ELOVL4: variants seen among roughly 807,000 people sequenced by gnomAD.
ELOVL4 encodes the protein very long chain fatty acid elongase 4.
ELOVL4 carries 18 observed loss-of-function variants against 42.1 expected under a neutral mutation model. The observed-to-expected ratio is 0.43, with a 90% CI of 0.30 to 0.63. The LOEUF is 0.63. ELOVL4 is among the 30% of genes least tolerant of loss of function. The pLI, the probability that ELOVL4 is intolerant of heterozygous loss-of-function variation, is 0.15. For synonymous variants in ELOVL4, 117 were observed against 127.0 expected, an observed-to-expected ratio of 0.92 and a Z score of 0.53; for missense variants, 299 against 376.2, an observed-to-expected ratio of 0.79 and a Z score of 1.70.
At chr6:79,944,987 CAAAAAAAAAAAAA>C (rs200726708) in intron 1 of ELOVL4, among the ~76,000 whole-genome samples, 6 of 92,998 alleles carry the variant, frequency 6.5e-5, no homozygotes, top group Non-Finnish European at 1.1e-4. Context: ...TGAATGAGTC[CAAAAAAAAAAAAA>C]AAAAAAAAAA....
At chr6:79,939,985 G>A (rs181709274) in intron 1 of ELOVL4, among the ~76,000 whole-genome samples, 2 of 152,212 alleles carry the variant, frequency 1.3e-5, no homozygotes, top group East Asian at 1.9e-4. Flanking sequence ...ACCACGTTGC[G>A]TTTATCCATT....
At chr6:79,922,593 A>G (rs948973605) in intron 3 of ELOVL4, among the ~76,000 whole-genome samples, 1 of 152,162 alleles carries the variant, frequency 6.6e-6, no homozygotes, top group African/African-American at 2.4e-5. Flanking sequence ...TATGTCAAGT[A>G]TTTTCTATGA....
Position 79,916,466 on chromosome 6 carries a change from C to G in ELOVL4, c.*142G>C, listed in dbSNP as rs1512118. 0.15 allele frequency: 127,858 copies of G among 876,888 alleles called. 11,613 individuals are homozygous for G. The highest frequency in any genetic ancestry group is 0.35 in the South Asian group (23,673 of 67,276). 54.3% of individuals were successfully genotyped at this position (876,888 alleles called of 1,614,324 possible). On this transcript the variant is annotated 3_prime_UTR_variant, in exon 6 of 6. Coordinates refer to ENST00000369816, the MANE Select transcript of ELOVL4 (RefSeq NM_022726.4). ...CTGGGTATGGTATTAACACTTTACTCAGTCTAAGAGTTACTAGGACATAGA... is the reference window on the plus strand; with the variant it reads ...CTGGGTATGGTATTAACACTTTACTGAGTCTAAGAGTTACTAGGACATAGA...
rs74777057 is a variant in ELOVL4 at position 79,927,110 on chromosome 6, T to C, written c.101-729A>G. Among the ~76,000 whole-genome samples, 12 of 152,306 alleles carry C rather than the reference T, an allele frequency of 7.9e-5. No individual in the cohort carries two copies. In the East Asian group the frequency reaches 1.9e-3, roughly 24 times the overall value. On this transcript the variant is annotated intron_variant, in intron 1 of 5. Transcript: ENST00000369816. The stretch of plus-strand genomic sequence containing the variant: ...AACACATTATTTTACTTAAAATGAA[T>C]TGATTGTCCAGCATATTCAAATACA...
intron 3 of ELOVL4, among the ~76,000 whole-genome samples, chr6:79,922,812 T>C (rs4706819): frequency 0.16 from 24,395 of 152,076 alleles, 2,240 homozygotes; most frequent in South Asian, 0.36. Context: ...AACAAAATTA[T>C]AATTTTAAAG....
At chr6:79,931,724 C>T (rs977502382) in intron 1 of ELOVL4, among the ~76,000 whole-genome samples, 1 of 152,114 alleles carries the variant, frequency 6.6e-6, no homozygotes, top group Non-Finnish European at 1.5e-5. Context: ...AGAAAGAGGC[C>T]TCAGCAAATA....
intron 1 of ELOVL4, among the ~76,000 whole-genome samples, chr6:79,939,321 A>G (rs955179650): frequency 2.6e-5 from 4 of 152,090 alleles, no homozygotes; most frequent in Non-Finnish European, 5.9e-5. Flanking sequence ...AAAATATACC[A>G]TCTTAATCAT....
chr6:79,925,244 G>A (rs1287567797), intron 2 of ELOVL4, among the ~76,000 whole-genome samples: 1 of 152,120 alleles, frequency 6.6e-6, no homozygotes, highest in Admixed American at 6.5e-5. Flanking sequence ...AAAATCACAT[G>A]TAAATTTTAT....
At chr6:79,917,781 A>T (rs1774186441) in intron 5 of ELOVL4, among the ~76,000 whole-genome samples, 1 of 152,196 alleles carries the variant, frequency 6.6e-6, no homozygotes, top group South Asian at 2.1e-4. Context: ...AGACTGCACC[A>T]TTGCACTCCA....
At chr6:79,925,107 G>A (rs1432834179) in intron 2 of ELOVL4, 75 bp from the exon 3 acceptor site, 1 of 976,940 alleles carries the variant, frequency 1.0e-6, no homozygotes, top group East Asian at 2.4e-5. Flanking sequence ...TATACAAAAT[G>A]TAGCCTTTCA....
intron 1 of ELOVL4, among the ~76,000 whole-genome samples, chr6:79,941,240 G>C (rs1774639459): frequency 6.6e-6 from 1 of 152,126 alleles, no homozygotes; most frequent in Non-Finnish European, 1.5e-5. Context: ...AATTTACAGA[G>C]AACAATGCTG....
chr6:79,947,294 G>A lies in ELOVL4; in HGVS notation c.-15C>T. ...AGGAGCCCCATCGCGGCGATGAGCG[G>A]GCGCTGGCGGCAGGAGAAAGCGGAG... On this transcript the variant is annotated 5_prime_UTR_variant, in exon 1 of 6. Transcript: ENST00000369816. The A allele has an allele frequency of 6.2e-7, 1 of 1,601,300 alleles. No individual in the cohort carries two copies. Among genetic ancestry groups the A allele is most frequent in the African/African-American group, 1.3e-5 (1 of 74,778 alleles).
At chr6:79,943,667 T>C (rs1316167737) in intron 1 of ELOVL4, among the ~76,000 whole-genome samples, 1 of 152,128 alleles carries the variant, frequency 6.6e-6, no homozygotes, top group African/African-American at 2.4e-5. Flanking sequence ...CCCCTAGACT[T>C]TGCAAGATGC....
chr6:79,926,123 G>T, intron 2 of ELOVL4, 71 bp downstream of exon 2: 1 of 1,318,118 alleles, frequency 7.6e-7, no homozygotes, highest in South Asian at 1.2e-5. Context: ...TTACAATGAT[G>T]GTTTTACACA....
At chr6:79,926,526 A>G in intron 1 of ELOVL4, 145 bp from the exon 2 acceptor site, 1 of 797,316 alleles carries the variant, frequency 1.3e-6, no homozygotes, top group Admixed American at 2.7e-5. Flanking sequence ...CAAAAAATAC[A>G]TGGTATAAAA....
intron 1 of ELOVL4, among the ~76,000 whole-genome samples, chr6:79,941,694 T>G (rs560054514): frequency 6.6e-6 from 1 of 152,186 alleles, no homozygotes; most frequent in East Asian, 1.9e-4. Context: ...AAATCCCCAC[T>G]CTATGAAAAA....
At chr6:79,930,743 T>C (rs919360811) in intron 1 of ELOVL4, among the ~76,000 whole-genome samples, 2 of 152,170 alleles carry the variant, frequency 1.3e-5, no homozygotes, top group East Asian at 1.9e-4. Flanking sequence ...TTTAAATATA[T>C]TAAATTATCC....
At chr6:79,936,712 T>G (rs1020595405) in intron 1 of ELOVL4, among the ~76,000 whole-genome samples, 4 of 152,200 alleles carry the variant, frequency 2.6e-5, no homozygotes, top group Non-Finnish European at 5.9e-5. Flanking sequence ...GGTTCAAATC[T>G]AAAATGTGAT....
intron 1 of ELOVL4, among the ~76,000 whole-genome samples, chr6:79,939,168 AT>A (rs1201820900): frequency 2.0e-5 from 3 of 152,196 alleles, no homozygotes; most frequent in Non-Finnish European, 4.4e-5. Context: ...TTATAAAGTC[AT>A]TTTACTTTAA....
Sources: gnomAD v4.1 joint callset for allele counts (sites outside exome capture counted in the v4.1 genomes callset) on GRCh38, gnomAD v4.1.1 for gene constraint, MANE v1.5 for transcripts, NCBI Gene and HGNC (gene_info 2026-07-23, HGNC 2026-07-21) for gene names.